The following RERE variants were observed in gnomAD, a reference collection of about 807,000 sequenced individuals.
The protein encoded by RERE is arginine-glutamic acid dipeptide repeats protein.
RERE carries 40 observed loss-of-function variants against 146.1 expected under a neutral mutation model. That is an observed-to-expected ratio of 0.27 (90% CI 0.21 to 0.36). The LOEUF (loss-of-function observed/expected upper bound fraction) is 0.36, where lower values mean the gene tolerates loss of function less well. Ranked by LOEUF, RERE falls within the 10% of genes least tolerant of loss-of-function variation. The pLI is 1.00. For synonymous variants in RERE, 1,003 were observed against 866.0 expected (o/e 1.16, Z -2.78); for missense variants, 1,933 against 2,138.7 (o/e 0.90, Z 1.90).
At chr1:8,752,636 G>A (rs1361387684) in intron 1 of RERE, among the ~76,000 whole-genome samples, 1 of 152,232 alleles carries the variant, frequency 6.6e-6, no homozygotes, top group Non-Finnish European at 1.5e-5. Flanking sequence ...TAAAAACAAG[G>A]TTTCTTAAAA....
chr1:8,563,679 T>TA (rs1466120889), intron 4 of RERE, among the ~76,000 whole-genome samples: 1 of 152,198 alleles, frequency 6.6e-6, no homozygotes, highest in African/African-American at 2.4e-5. Context: ...TTTAACTGCT[T>TA]AGTCATGGGG....
intron 6 of RERE, among the ~76,000 whole-genome samples, chr1:8,545,453 C>T (rs1645847179): frequency 6.6e-6 from 1 of 152,030 alleles, no homozygotes. Context: ...GGAGACAATA[C>T]AAATGAAAAC....
At position 8,617,357 on chromosome 1, in the gene RERE, AG is replaced by A. The variant is rs1431375822; in HGVS notation, c.397-2672del. Among the ~76,000 whole-genome samples, 254 of 149,258 alleles carry A rather than the reference AG, an allele frequency of 1.7e-3. 15 individuals carry two copies. Among genetic ancestry groups the A allele is most frequent in the African/African-American group, 5.6e-3 (220 of 39,392 alleles). On this transcript the variant is annotated intron_variant, in intron 3 of 22. Coordinates refer to ENST00000400908, the MANE Select transcript of RERE (RefSeq NM_001042681.2). ...AAACTCTGTCTCAAAAAAAAAAAAAAGAATTCCATCCTACCTCTTAACTCTT... is the reference window on the plus strand; with the variant it reads ...AAACTCTGTCTCAAAAAAAAAAAAAAAATTCCATCCTACCTCTTAACTCTT...
intron 21 of RERE, among the ~76,000 whole-genome samples, chr1:8,355,847 T>G (rs1237187718): frequency 1.3e-5 from 2 of 152,020 alleles, no homozygotes; most frequent in African/African-American, 4.8e-5. Context: ...TGCTTCTCCT[T>G]CAGAGACCTG....
At chr1:8,511,445 C>T (rs72639646) in intron 7 of RERE, among the ~76,000 whole-genome samples, 18 of 152,288 alleles carry the variant, frequency 1.2e-4, no homozygotes, top group Non-Finnish European at 2.1e-4. Context: ...AGAAATACAA[C>T]AAAGTTCTTT....
At chr1:8,777,571 G>C (rs1435009389) in intron 1 of RERE, among the ~76,000 whole-genome samples, 2 of 127,680 alleles carry the variant, frequency 1.6e-5, no homozygotes, top group African/African-American at 3.0e-5. Context: ...GTCTCGCTCT[G>C]TTGCCCAGGC....
rs918990806 is a variant in RERE at position 8,490,980 on chromosome 1, A to T, written c.1104+4083T>A. On this transcript the variant is annotated intron_variant, in intron 10 of 22. Transcript: ENST00000400908. Reference sequence around the variant, plus strand: ...ATTATACATAAATCTTACCTCAATAAGTTGTTTCAAAAATTACACACTAGC... The same window carrying T: ...ATTATACATAAATCTTACCTCAATATGTTGTTTCAAAAATTACACACTAGC... 3.3e-5 allele frequency among the ~76,000 whole-genome samples: 5 copies of T among 150,752 alleles called. 1 individual carries two copies. Among genetic ancestry groups the T allele is most frequent in the African/African-American group, 1.2e-4 (5 of 40,016 alleles).
chr1:8,409,082 G>A (rs986991695), intron 12 of RERE, among the ~76,000 whole-genome samples: 2 of 152,194 alleles, frequency 1.3e-5, no homozygotes, highest in Non-Finnish European at 2.9e-5. Flanking sequence ...TTGTGGGTGT[G>A]CAACACACAC....
intron 1 of RERE, among the ~76,000 whole-genome samples, chr1:8,764,698 T>G: frequency 6.6e-6 from 1 of 152,114 alleles, no homozygotes; most frequent in African/African-American, 2.4e-5. Flanking sequence ...TCACCCAGAT[T>G]TCTATTTTTA....
At chr1:8,699,693 A>G (rs1457621641) in intron 1 of RERE, among the ~76,000 whole-genome samples, 1 of 152,224 alleles carries the variant, frequency 6.6e-6, no homozygotes, top group Non-Finnish European at 1.5e-5. Flanking sequence ...ACTTCTTTTA[A>G]TTAGAGAAAA....
intron 1 of RERE, among the ~76,000 whole-genome samples, chr1:8,695,550 G>A (rs1311826474): frequency 1.7e-5 from 2 of 120,184 alleles, no homozygotes; most frequent in Non-Finnish European, 3.2e-5. Context: ...AGCAGTTTGA[G>A]ATCTGCCTGA....
intron 4 of RERE, among the ~76,000 whole-genome samples, chr1:8,575,007 T>C (rs1174868022): frequency 1.3e-5 from 2 of 152,210 alleles, no homozygotes; most frequent in Non-Finnish European, 2.9e-5. Context: ...TACATACACA[T>C]ATACACATTA....
rs1267776691 is a variant in RERE at position 8,530,684 on chromosome 1, T to TTTTTC, written c.830+10529_830+10530insGAAAA. 1.8e-3 allele frequency among the ~76,000 whole-genome samples: 227 copies of TTTTTC among 122,816 alleles called. 5 individuals are homozygous for TTTTTC. Among genetic ancestry groups the TTTTTC allele is most frequent in the Middle Eastern group, 4.2e-3 (1 of 240 alleles). The allele number at this position is 122,816 out of a possible 152,430, so 80.6% of individuals were successfully genotyped here. A position where few individuals can be genotyped will look rare whatever the true frequency, so the allele number is the denominator to read the frequency against. On this transcript the variant is annotated intron_variant, in intron 7 of 22. Transcript: ENST00000400908. Reference sequence around the variant, plus strand: ...TGGAACTGAGTTTTCGTTTTCTTTTTTTTTTTTTTTTTTTTTTTGAGACGG... The same window carrying TTTTTC: ...TGGAACTGAGTTTTCGTTTTCTTTTTTTTTCTTTTTTTTTTTTTTTTTTGAGACGG...
At chr1:8,485,063 C>T (rs1570316966) in intron 10 of RERE, among the ~76,000 whole-genome samples, 1 of 152,232 alleles carries the variant, frequency 6.6e-6, no homozygotes, top group East Asian at 1.9e-4. Context: ...AATGAGGCCT[C>T]TACTATTAAG....
chr1:8,589,685 A>T (rs192389859), intron 4 of RERE, among the ~76,000 whole-genome samples: 2 of 152,276 alleles, frequency 1.3e-5, no homozygotes, highest in Admixed American at 1.3e-4. Context: ...AGTTCCTCCC[A>T]CTTTCTTTCT....
chr1:8,545,114 G>A (rs930979963), intron 6 of RERE, among the ~76,000 whole-genome samples: 5 of 152,172 alleles, frequency 3.3e-5, no homozygotes, highest in African/African-American at 1.2e-4. Context: ...GATGAGGAGG[G>A]ACCGTTAAGA....
chr1:8,772,288 TTGAGA>T (rs1036964481), intron 1 of RERE, among the ~76,000 whole-genome samples: 20 of 152,262 alleles, frequency 1.3e-4, no homozygotes, highest in African/African-American at 4.8e-4. Flanking sequence ...TTACTGCTAC[TTGAGA>T]TATTTGTTCC....
At chr1:8,575,534 AATATATATATAT>A (rs67724601) in intron 4 of RERE, among the ~76,000 whole-genome samples, 1 of 114,074 alleles carries the variant, frequency 8.8e-6, no homozygotes, top group Non-Finnish European at 1.7e-5. Flanking sequence ...TGGCTAATTT[AATATATATATAT>A]ATATATATAT....
Position 8,656,024 on chromosome 1 carries a change from C to T in RERE, c.274G>A (p.Gly92Ser). ...KKSRYERTDT[G>S]EITSYITEDD... Reference sequence around the variant, plus strand: ...TCAGTGATGTAGGATGTTATCTCACCGGTATCTGTCCTTTCATAACGAGAC... The same window carrying T: ...TCAGTGATGTAGGATGTTATCTCACTGGTATCTGTCCTTTCATAACGAGAC... Residue 92 changes from glycine (G) to serine (S), a missense_variant, in exon 2 of 23, where the codon GGT becomes AGT. Gly to Ser is a moderately conservative substitution (Grantham distance 56, BLOSUM62 0). Coordinates refer to ENST00000400908, the MANE Select transcript of RERE (RefSeq NM_001042681.2). The T allele has an allele frequency of 1.9e-6, 3 of 1,614,096 alleles. No homozygotes were observed. The highest frequency in any genetic ancestry group is 1.7e-6 in the Non-Finnish European group (2 of 1,180,014).
Sources: gnomAD v4.1 joint callset for allele counts (sites outside exome capture counted in the v4.1 genomes callset) on GRCh38, gnomAD v4.1.1 for gene constraint, MANE v1.5 for transcripts, NCBI Gene and HGNC (gene_info 2026-07-23, HGNC 2026-07-21) for gene names.